SETD1A: variants seen among roughly 807,000 people sequenced by gnomAD.
SETD1A encodes SET domain containing 1A, histone lysine methyltransferase.
SETD1A carries 29 observed loss-of-function variants against 149.9 expected under a neutral mutation model. The observed-to-expected ratio is 0.19, with a 90% CI of 0.14 to 0.26. The LOEUF is 0.26. Ranked by LOEUF, SETD1A falls within the 10% of genes least tolerant of loss-of-function variation. The pLI, the probability that SETD1A is intolerant of heterozygous loss-of-function variation, is 1.00. For synonymous variants in SETD1A, 1,141 were observed against 968.5 expected, an observed-to-expected ratio of 1.18 and a Z score of -3.31; for missense variants, 2,109 against 2,353.1, an observed-to-expected ratio of 0.90 and a Z score of 2.15.
intron 12 of SETD1A, 86 bp from the exon 13 acceptor site, chr16:30,971,292 A>G (rs1015436726): frequency 1.0e-5 from 14 of 1,372,110 alleles, no homozygotes; most frequent in Admixed American, 2.3e-5. Context: ...AGAGCCCAGC[A>G]TCCACAGCAG....
chr16:30,983,919 A>C lies in SETD1A; in HGVS notation c.5020A>C (p.Ile1674Leu), dbSNP rs2056419083. Residue 1674 changes from isoleucine (I) to leucine (L), a missense_variant, in exon 19 of 19, where the codon ATT (isoleucine) becomes CTT (leucine). Physicochemically the swap from Ile to Leu is conservative, Grantham distance 5 (BLOSUM62 2). Coordinates refer to ENST00000262519, the MANE Select transcript of SETD1A (RefSeq NM_014712.3). This position sits in a 1 kb window ranked among gnomAD's most constrained non-coding sequence, Gnocchi z 6.8. The stretch of plus-strand genomic sequence containing the variant: ...GATCGTGATCTACTCCAAGCAGCCC[A>C]TTGGCGTGGACGAGGAGATCACCTA... ...KKIVIYSKQPIGVDEEITYDY... is the reference protein window; with the variant it reads ...KKIVIYSKQPLGVDEEITYDY... The C allele has an allele frequency of 6.2e-7, 1 of 1,613,730 alleles. No individual in the cohort carries two copies. Among genetic ancestry groups the C allele is most frequent in the Non-Finnish European group, 8.5e-7 (1 of 1,179,872 alleles).
chr16:30,969,250 G>C, intron 10 of SETD1A, 55 bp from the exon 11 acceptor site: 1 of 1,560,276 alleles, frequency 6.4e-7, no homozygotes, highest in South Asian at 1.2e-5. Flanking sequence ...CTTGCACAGG[G>C]CAAGTATCTT....
At chr16:30,970,109 A>G (rs953013485) in intron 12 of SETD1A, among the ~76,000 whole-genome samples, 1 of 151,656 alleles carries the variant, frequency 6.6e-6, no homozygotes, top group Admixed American at 6.6e-5. Context: ...CTGGGATTAC[A>G]GGCACCCACC....
chr16:30,975,752 A>G (rs532237298), intron 13 of SETD1A, among the ~76,000 whole-genome samples: 1 of 152,020 alleles, frequency 6.6e-6, no homozygotes, highest in East Asian at 1.9e-4. Flanking sequence ...TGTGATTCCC[A>G]TTTTATAGAT....
chr16:30,959,268 G>T, intron 3 of SETD1A, 82 bp downstream of exon 3: 1 of 939,532 alleles, frequency 1.1e-6, no homozygotes. Context: ...GAATAAAAGG[G>T]TTTCCAATGA....
In SETD1A at chr16:30,980,662, G is replaced by T. The variant is rs779333982; in HGVS notation, c.4581+5G>T. On this transcript the variant is annotated splice_donor_5th_base_variant and intron_variant, in intron 15 of 18. Coordinates refer to ENST00000262519, the MANE Select transcript of SETD1A (RefSeq NM_014712.3). This position sits in a 1 kb window ranked among gnomAD's most constrained non-coding sequence, Gnocchi z 7.7. ...CTGGAGGGCGTGGACACTCAGGTGG[G>T]CCTAACCCCGCCGCCGCGTCCTCCT... 1 of 1,609,906 alleles carries T rather than the reference G, an allele frequency of 6.2e-7. No individual in the cohort carries two copies. The highest frequency in any genetic ancestry group is 8.5e-7 in the Non-Finnish European group (1 of 1,178,960).
chr16:30,967,518 A>G lies in SETD1A; in HGVS notation c.2700A>G (p.Pro900=), dbSNP rs755901920. Residue 900 remains proline (P), a synonymous_variant, in exon 10 of 19, where the codon CCA becomes CCG. Coordinates refer to ENST00000262519, the MANE Select transcript of SETD1A (RefSeq NM_014712.3). ...LPSFKVKRKE[P]SEISEASEEK... is the part of the protein sequence containing the mutation. ...TCCCCCAGGTAAAGCGGAAAGAGCC[A>G]TCGGAAATTTCCGAGGCCAGTGAGG... The G allele has an allele frequency of 4.8e-5, 78 of 1,613,888 alleles. No homozygotes were observed. The highest frequency in any genetic ancestry group is 6.4e-5 in the Non-Finnish European group (76 of 1,179,954).
At position 30,961,634 on chromosome 16, in the gene SETD1A, C is replaced by G; in HGVS notation, c.517+97C>G. ...TCAGGCAGGCGCCCAGGGTCATGAT[C>G]TGAAACTGCTGGGGCCAGTTGTGTT... On this transcript the variant is annotated intron_variant, in intron 4 of 18. Transcript: ENST00000262519. The surrounding 1 kb of genome is among the most constrained non-coding windows in gnomAD (Gnocchi z 4.0). 9.2e-7 allele frequency: 1 copy of G among 1,089,342 alleles called. No individual in the cohort carries two copies. The highest frequency in any genetic ancestry group is 1.3e-6 in the Non-Finnish European group (1 of 741,164). 67.5% of individuals were successfully genotyped at this position (1,089,342 alleles called of 1,614,324 possible).
chr16:30,966,915 A>G lies in SETD1A; in HGVS notation c.2537A>G (p.Lys846Arg), dbSNP rs754014133. The G allele has an allele frequency of 7.0e-6, 11 of 1,569,318 alleles. No homozygotes were observed. Among genetic ancestry groups the G allele is most frequent in the Middle Eastern group, 1.7e-4 (1 of 6,036 alleles). ...PFQNAAKQQA[K>R]EEDKEKTKLK... ...CAGAACGCGGCCAAGCAGCAAGCCA[A>G]GGAGGAGGATAAAGAGAAGACGAAG... The change falls in exon 9 of 19, where the codon AAG becomes AGG. Residue 846 changes from lysine (K) to arginine (R), a missense_variant. Physicochemically the swap from Lys to Arg is conservative, Grantham distance 26 (BLOSUM62 2). This residue lies in a region of SETD1A where 832 missense variants were observed against 815.6 expected (regional missense o/e 1.02). Transcript: ENST00000262519.
chr16:30,965,690 GCCTCCGCCACCTCCCCCT>G lies in SETD1A; in HGVS notation c.1812_1829del (p.Pro611_Pro616del). 1.3e-6 allele frequency: 2 copies of G among 1,542,028 alleles called. No homozygotes were observed. The highest frequency in any genetic ancestry group is 1.7e-6 in the Non-Finnish European group (2 of 1,145,176). On this transcript the variant is annotated inframe_deletion, in exon 8 of 19. Transcript: ENST00000262519. ...CTCCGGCCCCGACGCCCCCTCAGCA[GCCTCCGCCACCTCCCCCT>G]CCCCCGCCGCCTCCTCCTCCCTACC...
At chr16:30,964,506 C>T in intron 6 of SETD1A, 106 bp from the exon 7 acceptor site, 8 of 1,525,484 alleles carry the variant, frequency 5.2e-6, no homozygotes, top group Non-Finnish European at 7.0e-6. Flanking sequence ...ACATATAGCT[C>T]TTCTTTTGGA....
rs201308430 is a variant in SETD1A, at chr16:30,965,664, C to G, written c.1783C>G (p.Pro595Ala). 29 of 1,611,994 alleles carry G rather than the reference C, an allele frequency of 1.8e-5. No homozygotes were observed. The highest frequency in any genetic ancestry group is 1.3e-4 in the East Asian group (6 of 44,756). Residue 595 changes from proline to alanine, a missense_variant, in exon 8 of 19, where the codon CCT (proline) becomes GCT (alanine). By Grantham distance (27) the Pro-to-Ala change is conservative. Around this residue, in one of 8 missense-constraint regions of SETD1A, gnomAD observed 431 missense variants for 388.6 expected, o/e 1.11. Transcript: ENST00000262519. ...CGACGACGACCGGGGTGGCTCACCCCCTCCGGCCCCGACGCCCCCTCAGCA... is the reference window on the plus strand; with the variant it reads ...CGACGACGACCGGGGTGGCTCACCCGCTCCGGCCCCGACGCCCCCTCAGCA... The part of the protein sequence containing the change: ...ISDDDRGGSP[P>A]PAPTPPQQPP...
chr16:30,958,614 G>A (rs2056000818), intron 1 of SETD1A, 103 bp from the exon 2 acceptor site: 1 of 997,408 alleles, frequency 1.0e-6, no homozygotes, highest in Non-Finnish European at 1.5e-6. Flanking sequence ...GTTGGAAACT[G>A]GAGTGATGGG....
Position 30,971,638 on chromosome 16 carries a change from G to A in SETD1A, c.3277G>A (p.Glu1093Lys). The A allele has an allele frequency of 6.2e-7, 1 of 1,612,538 alleles. No homozygotes were observed. The highest frequency in any genetic ancestry group is 8.5e-7 in the Non-Finnish European group (1 of 1,178,944). ...EVPVPTPAPVEVPVPERVAGS... is the reference protein window; with the variant it reads ...EVPVPTPAPVKVPVPERVAGS... ...CCCAGTGCCCACGCCAGCACCTGTGGAGGTGCCAGTGCCGGAAAGGGTTGC... is the reference window on the plus strand; with the variant it reads ...CCCAGTGCCCACGCCAGCACCTGTGAAGGTGCCAGTGCCGGAAAGGGTTGC... The change falls in exon 13 of 19, where the codon GAG becomes AAG. Residue 1093 changes from glutamate to lysine, a missense_variant. Physicochemically the swap from Glu to Lys is moderately conservative, Grantham distance 56. Coordinates refer to ENST00000262519, the MANE Select transcript of SETD1A (RefSeq NM_014712.3).
At position 30,965,291 on chromosome 16, in the gene SETD1A, A is replaced by G; in HGVS notation, c.1549A>G (p.Ser517Gly). 1 of 1,614,250 alleles carries G rather than the reference A, an allele frequency of 6.2e-7. No homozygotes were observed. The highest frequency in any genetic ancestry group is 8.5e-7 in the Non-Finnish European group (1 of 1,180,042). Residue 517 changes from serine (S) to glycine (G), a missense_variant, in exon 7 of 19, where the codon AGC becomes GGC. This residue lies in a region of SETD1A where 431 missense variants were observed against 388.6 expected (regional missense o/e 1.11). Coordinates refer to ENST00000262519, the MANE Select transcript of SETD1A (RefSeq NM_014712.3). Reference sequence around the variant, plus strand: ...TGACACAGAGGAGGAGGAAGAGAACAGCAGCATGGTCCTTGGGGCCAGAGA... The same window carrying G: ...TGACACAGAGGAGGAGGAAGAGAACGGCAGCATGGTCCTTGGGGCCAGAGA... ...ASDTEEEEEN[S>G]SMVLGARDTG...
intron 10 of SETD1A, among the ~76,000 whole-genome samples, chr16:30,968,832 C>T (rs768671873): frequency 1.3e-5 from 2 of 150,986 alleles, no homozygotes; most frequent in Non-Finnish European, 3.0e-5. Flanking sequence ...ATGCCAGGCA[C>T]GATGGCTCAC....
In SETD1A at chr16:30,969,380, G is replaced by T. The variant is rs1358135956; in HGVS notation, c.2846G>T (p.Gly949Val). 1 of 1,614,174 alleles carries T rather than the reference G, an allele frequency of 6.2e-7. No individual in the cohort carries two copies. Among genetic ancestry groups the T allele is most frequent in the Non-Finnish European group, 8.5e-7 (1 of 1,180,018 alleles). Reference protein sequence around the residue: ...TKPPKRDEERGKTQGKHRKSF... With the variant: ...TKPPKRDEERVKTQGKHRKSF... ...CCCCCGAAGCGGGACGAAGAGCGAG[G>T]CAAGACCCAGGGCAAGCACCGCAAG... Residue 949 changes from glycine to valine, a missense_variant, in exon 11 of 19, where the codon GGC becomes GTC. This residue lies in a region of SETD1A where 832 missense variants were observed against 815.6 expected (regional missense o/e 1.02). Transcript: ENST00000262519.
chr16:30,974,395 G>T lies in SETD1A; in HGVS notation c.3358+2676G>T, dbSNP rs189867295. On this transcript the variant is annotated intron_variant, in intron 13 of 18. Coordinates refer to ENST00000262519, the MANE Select transcript of SETD1A (RefSeq NM_014712.3). ...CACCTATAGACCCAGGTAGGCGAGT[G>T]GGGGGAGAGAAAGGGCAGAGCCTTC... is the stretch of plus-strand genomic sequence containing the variant. Among the ~76,000 whole-genome samples, 26 of 151,486 alleles carry T rather than the reference G, an allele frequency of 1.7e-4. No individual in the cohort carries two copies. The East Asian group carries it at 2.3e-3, about 14-fold the overall frequency.
rs747273586 is a variant in SETD1A, at chr16:30,980,708, G to C, written c.4582-31G>C. 1.2e-6 allele frequency: 2 copies of C among 1,611,038 alleles called. No individual in the cohort carries two copies. Among genetic ancestry groups the C allele is most frequent in the Non-Finnish European group, 1.7e-6 (2 of 1,179,108 alleles). The stretch of plus-strand genomic sequence containing the variant: ...CTCCTGCCACTCACTTCCCTGCCCT[G>C]CTCACCTCCTCCCTGCCGTGTGTCT... On this transcript the variant is annotated intron_variant, in intron 15 of 18. Coordinates refer to ENST00000262519, the MANE Select transcript of SETD1A (RefSeq NM_014712.3). The surrounding 1 kb of genome is among the most constrained non-coding windows in gnomAD (Gnocchi z 7.7).
Sources: gnomAD v4.1 joint callset for allele counts (sites outside exome capture counted in the v4.1 genomes callset) on GRCh38, gnomAD v4.1.1 for gene constraint, gnomAD v4.1.1 regional missense constraint, Gnocchi (gnomAD v3.1) non-coding constraint, MANE v1.5 for transcripts, NCBI Gene and HGNC (gene_info 2026-07-23, HGNC 2026-07-21) for gene names.